ELL: variants seen among roughly 807,000 people sequenced by gnomAD.
ELL encodes RNA polymerase II elongation factor ELL.
A neutral mutation model predicts 64.0 loss-of-function variants in ELL; 18 were observed. The ratio of observed to expected loss-of-function variants is 0.28; its 90% confidence interval spans 0.19 to 0.42. The LOEUF (loss-of-function observed/expected upper bound fraction) is 0.42. Among genes scored for constraint, ELL ranks in the 10% least tolerant of loss-of-function variants. The pLI, the probability that ELL is intolerant of heterozygous loss-of-function variation, is 1.00. For synonymous variants in ELL, 399 were observed against 376.2 expected, an observed-to-expected ratio of 1.06 and a Z score of -0.70; for missense variants, 797 against 870.4, an observed-to-expected ratio of 0.92 and a Z score of 1.06.
intron 6 of ELL, among the ~76,000 whole-genome samples, chr19:18,454,811 A>G (rs1033739969): frequency 4.3e-5 from 6 of 139,768 alleles, no homozygotes; most frequent in African/African-American, 1.7e-4. Context: ...ACTGCACTCC[A>G]GCCTGGGCAA....
chr19:18,463,169 CAGAAT>C (rs976925820), intron 4 of ELL, among the ~76,000 whole-genome samples: 1 of 152,142 alleles, frequency 6.6e-6, no homozygotes, highest in Non-Finnish European at 1.5e-5. Context: ...GCCTTGCTTT[CAGAAT>C]ACCCAGGGCC....
At chr19:18,490,498 G>A (rs1314606689) in intron 1 of ELL, among the ~76,000 whole-genome samples, 4 of 152,184 alleles carry the variant, frequency 2.6e-5, no homozygotes, top group Admixed American at 2.6e-4. Context: ...GCACTCAGCT[G>A]CCCTCATCAG....
chr19:18,444,502 T>C lies in ELL; in HGVS notation c.*250A>G, dbSNP rs1974367065. 2 of 456,278 alleles carry C rather than the reference T, an allele frequency of 4.4e-6. No homozygotes were observed. Among genetic ancestry groups the C allele is most frequent in the African/African-American group, 2.0e-5 (1 of 50,484 alleles). The allele number at this position is 456,278 out of a possible 1,614,324, so 28.3% of individuals were successfully genotyped here. On this transcript the variant is annotated 3_prime_UTR_variant, in exon 12 of 12. Coordinates refer to ENST00000262809, the MANE Select transcript of ELL (RefSeq NM_006532.4). ...AGACAGGAGGCTGAACCCCGGAGGC[T>C]GCAGCCAGGGAGGAGGCAGTGGGCT...
chr19:18,478,352 G>A (rs1253625746), intron 1 of ELL, among the ~76,000 whole-genome samples: 1 of 152,128 alleles, frequency 6.6e-6, no homozygotes, highest in Non-Finnish European at 1.5e-5. Flanking sequence ...AAATAACGGG[G>A]TAACTCAGTA....
At chr19:18,519,311 G>A (rs1410255900) in intron 1 of ELL, among the ~76,000 whole-genome samples, 4 of 152,086 alleles carry the variant, frequency 2.6e-5, no homozygotes, top group Non-Finnish European at 5.9e-5. Context: ...CAGCATCGAG[G>A]AATACAAAAC....
At chr19:18,509,579 A>ATGTGCGCGCGCGCGCGCG (rs1555739199) in intron 1 of ELL, among the ~76,000 whole-genome samples, 2 of 132,496 alleles carry the variant, frequency 1.5e-5, no homozygotes, top group African/African-American at 6.0e-5. Flanking sequence ...AGGCCAATGC[A>ATGTGCGCGCGCGCGCGCG]CGTGCGCGCG....
chr19:18,448,205 G>T (rs1315710108), intron 8 of ELL: 1 of 151,972 alleles, frequency 6.6e-6, no homozygotes, highest in Non-Finnish European at 1.5e-5. Context: ...CAACATGCTG[G>T]GATTATAGGC....
intron 1 of ELL, among the ~76,000 whole-genome samples, chr19:18,513,708 G>A (rs2144979211): frequency 6.6e-6 from 1 of 152,240 alleles, no homozygotes; most frequent in Middle Eastern, 3.4e-3. Context: ...GAGGCGGGCG[G>A]ATCACAAGGT....
intron 1 of ELL, among the ~76,000 whole-genome samples, chr19:18,515,897 T>G (rs998104402): frequency 6.6e-6 from 1 of 152,160 alleles, no homozygotes; most frequent in Non-Finnish European, 1.5e-5. Context: ...CATCTGTCCC[T>G]GTCGTGAAGG....
rs1974368131 is a variant in ELL, at chr19:18,444,562, G to A, written c.*190C>T. ...GCCCATCATAAGCAGGGACTGCTCA[G>A]GAAGCGCAGGGAGGGCCGAGGTGGG... On this transcript the variant is annotated 3_prime_UTR_variant, in exon 12 of 12. Transcript: ENST00000262809. The A allele has an allele frequency of 1.7e-6, 1 of 573,886 alleles. No homozygotes were observed. Among genetic ancestry groups the A allele is most frequent in the Non-Finnish European group, 3.0e-6 (1 of 329,430 alleles). The allele number at this position is 573,886 out of a possible 1,614,324, so 35.5% of individuals were successfully genotyped here.
chr19:18,445,000 C>A, intron 11 of ELL, 132 bp from the exon 12 acceptor site: 1 of 1,142,206 alleles, frequency 8.8e-7, no homozygotes, highest in Non-Finnish European at 1.3e-6. Context: ...GGTCCAAGGG[C>A]AGAGTGGGAG....
chr19:18,490,277 C>T (rs1272846486), intron 1 of ELL, among the ~76,000 whole-genome samples: 2 of 146,056 alleles, frequency 1.4e-5, no homozygotes, highest in Non-Finnish European at 1.5e-5. Context: ...ATTTGAGGGC[C>T]GGCTGGAGAC....
At chr19:18,458,543 T>A (rs1161303749) in intron 5 of ELL, among the ~76,000 whole-genome samples, 2 of 151,978 alleles carry the variant, frequency 1.3e-5, no homozygotes, top group Non-Finnish European at 2.9e-5. Context: ...GAAGGGATAA[T>A]GAGGGTCATG....
intron 3 of ELL, 110 bp downstream of exon 3, chr19:18,465,687 C>T (rs1478292027): frequency 1.5e-5 from 22 of 1,477,612 alleles, no homozygotes; most frequent in Non-Finnish European, 2.0e-5. Flanking sequence ...ACTCTGTCAA[C>T]ACCATCTCAG....
intron 2 of ELL, among the ~76,000 whole-genome samples, chr19:18,467,531 G>A (rs1418646625): frequency 6.6e-6 from 1 of 151,874 alleles, no homozygotes; most frequent in Non-Finnish European, 1.5e-5. Context: ...AGAGAAGGCA[G>A]AAACGGCCTG....
At chr19:18,509,143 C>T (rs1975945263) in intron 1 of ELL, among the ~76,000 whole-genome samples, 1 of 152,018 alleles carries the variant, frequency 6.6e-6, no homozygotes, top group African/African-American at 2.4e-5. Context: ...TAGCCGTGAG[C>T]AGGAGGCACC....
intron 1 of ELL, among the ~76,000 whole-genome samples, chr19:18,476,346 GC>G (rs1975174688): frequency 6.6e-6 from 1 of 152,240 alleles, no homozygotes; most frequent in Non-Finnish European, 1.5e-5. Context: ...CAGTGATGAT[GC>G]TGAGGCCAGT....
chr19:18,465,852 T>C lies in ELL; in HGVS notation c.250A>G (p.Ile84Val). ...CTGCCCTGGGGGTTGTCGCGGCCGA[T>C]GTTGGAGAGGTAGAAGGAGAACGTC... Reference protein sequence around the residue: ...ARTFSFYLSNIGRDNPQGSFD... With the variant: ...ARTFSFYLSNVGRDNPQGSFD... Residue 84 changes from isoleucine (I) to valine (V), a missense_variant, in exon 3 of 12, where the codon ATC becomes GTC. Ile to Val is a conservative substitution (Grantham distance 29). Transcript: ENST00000262809. 1.0e-5 allele frequency: 14 copies of C among 1,348,580 alleles called. No individual in the cohort carries two copies. Among genetic ancestry groups the C allele is most frequent in the Middle Eastern group, 2.0e-4 (1 of 5,012 alleles). The allele number at this position is 1,348,580 out of a possible 1,614,324, so 83.5% of individuals were successfully genotyped here. A position where few individuals can be genotyped will look rare whatever the true frequency, so the allele number is the denominator to read the frequency against.
chr19:18,444,099 C>G lies in ELL; in HGVS notation c.*653G>C. On this transcript the variant is annotated 3_prime_UTR_variant, in exon 12 of 12. Transcript: ENST00000262809. ...CTGAGCAGCTGTCTGGGGGCACCAG[C>G]TGGAGTTCTCAAAATAGCCACCTGG... The G allele has an allele frequency of 4.3e-6, 1 of 231,200 alleles. No individual in the cohort carries two copies. Among genetic ancestry groups the G allele is most frequent in the Non-Finnish European group, 8.6e-6 (1 of 116,780 alleles). The allele number at this position is 231,200 out of a possible 1,614,324, so 14.3% of individuals were successfully genotyped here.
Sources: gnomAD v4.1 joint callset for allele counts (sites outside exome capture counted in the v4.1 genomes callset) on GRCh38, gnomAD v4.1.1 for gene constraint, MANE v1.5 for transcripts, NCBI Gene and HGNC (gene_info 2026-07-23, HGNC 2026-07-21) for gene names.